The following SLC4A8 variants were observed in gnomAD, a reference collection of about 807,000 sequenced individuals.
SLC4A8 encodes solute carrier family 4 member 8.
SLC4A8 carries 40 observed loss-of-function variants against 125.0 expected under a neutral mutation model. That is an observed-to-expected ratio of 0.32 (90% CI 0.25 to 0.42). The LOEUF is 0.42. Among genes scored for constraint, SLC4A8 ranks in the 10% least tolerant of loss-of-function variants. The pLI is 1.00. For synonymous variants in SLC4A8, 456 were observed against 476.0 expected, an observed-to-expected ratio of 0.96 and a Z score of 0.55; for missense variants, 863 against 1,355.1, an observed-to-expected ratio of 0.64 and a Z score of 5.70.
At chr12:51,421,748 C>G (rs1219592044), upstream of SLC4A8, among the ~76,000 whole-genome samples, 1 of 152,176 alleles carries the variant, frequency 6.6e-6, no homozygotes. Flanking sequence ...CCATTCTCCC[C>G]TAAGGGCAGA....
chr12:51,397,073 G>T (rs1449102953), intron 1 of SLC4A8, among the ~76,000 whole-genome samples: 2 of 151,894 alleles, frequency 1.3e-5, no homozygotes, highest in African/African-American at 4.8e-5. Flanking sequence ...GGGATTACAG[G>T]TGTGTGCCAC....
chr12:51,436,051 CGCATT>C (rs1322661082), intron 1 of SLC4A8, among the ~76,000 whole-genome samples: 3 of 152,044 alleles, frequency 2.0e-5, no homozygotes, highest in African/African-American at 7.2e-5. Context: ...AAAATAAAAA[CGCATT>C]GTATATTATT....
intron 14 of SLC4A8, among the ~76,000 whole-genome samples, chr12:51,471,849 G>T (rs769730903): frequency 5.3e-5 from 8 of 152,224 alleles, no homozygotes; most frequent in South Asian, 2.1e-4. Flanking sequence ...TAGTTATGGG[G>T]AGGAACTTCT....
At chr12:51,460,158 G>A (rs1389067134) in intron 8 of SLC4A8, 50 bp downstream of exon 8, 1 of 1,401,758 alleles carries the variant, frequency 7.1e-7, no homozygotes, top group East Asian at 2.3e-5. Flanking sequence ...TCAAATTTAT[G>A]TAGTGCTGGT....
At chr12:51,465,153 C>G (rs2138266246) in intron 11 of SLC4A8, among the ~76,000 whole-genome samples, 1 of 152,230 alleles carries the variant, frequency 6.6e-6, no homozygotes, top group Non-Finnish European at 1.5e-5. Flanking sequence ...AGGATTGAGA[C>G]TGTCCTAGAG....
intron 16 of SLC4A8, among the ~76,000 whole-genome samples, chr12:51,482,830 T>A (rs1418398362): frequency 6.6e-6 from 1 of 152,178 alleles, no homozygotes; most frequent in African/African-American, 2.4e-5. Context: ...GAGCACTATG[T>A]GGCACAGAAC....
At chr12:51,461,163 A>G (rs777478513) in intron 8 of SLC4A8, 41 bp from the exon 9 acceptor site, 2 of 1,044,442 alleles carry the variant, frequency 1.9e-6, no homozygotes, top group South Asian at 1.3e-5. Context: ...GCACTTCTTT[A>G]TATTTACTTA....
intron 11 of SLC4A8, chr12:51,468,929 C>T (rs1206314306): frequency 6.5e-6 from 1 of 152,772 alleles, no homozygotes; most frequent in Non-Finnish European, 1.5e-5. Context: ...CATGTTGGCC[C>T]CTCTGCCTCA....
chr12:51,495,470 C>CTTTTTTTTTTTTTTTTTTTTTTT (rs3028942), intron 21 of SLC4A8, among the ~76,000 whole-genome samples: 2 of 76,276 alleles, frequency 2.6e-5, no homozygotes, highest in Non-Finnish European at 4.8e-5. Flanking sequence ...TTTCTTTCTT[C>CTTTTTTTTTTTTTTTTTTTTTTT]TTTTTTTTTT....
intron 1 of SLC4A8, among the ~76,000 whole-genome samples, chr12:51,431,483 T>C (rs1373460096): frequency 6.6e-6 from 1 of 152,088 alleles, no homozygotes. Flanking sequence ...GCCAGAGCCA[T>C]TTTGGAATTT....
At chr12:51,408,218 A>G (rs1004746612) in intron 1 of SLC4A8, among the ~76,000 whole-genome samples, 5 of 151,926 alleles carry the variant, frequency 3.3e-5, no homozygotes, top group Non-Finnish European at 5.9e-5. Context: ...ACACAATTCA[A>G]TCTATAATGG....
Position 51,472,076 on chromosome 12 carries a change from C to T in SLC4A8, c.1904+544C>T, listed in dbSNP as rs115277656. On this transcript the variant is annotated intron_variant, in intron 14 of 24. Transcript: ENST00000453097. The stretch of plus-strand genomic sequence containing the variant: ...AGCCTACTTACTTCCTAGATTTCAA[C>T]TTAAGAGATTATGATTTCTTTATGT... 8.3e-3 allele frequency among the ~76,000 whole-genome samples: 1,260 copies of T among 152,284 alleles called. 15 individuals are homozygous for T. Among genetic ancestry groups the T allele is most frequent in the African/African-American group, 0.028 (1,179 of 41,550 alleles).
intron 11 of SLC4A8, among the ~76,000 whole-genome samples, chr12:51,464,117 AC>A (rs35905015): frequency 0.56 from 84,321 of 151,488 alleles, 23,556 homozygotes; most frequent in African/African-American, 0.59. Context: ...TTGAGCTCTG[AC>A]CCTCCCTTCC....
At chr12:51,479,746 A>G (rs1361177955) in intron 16 of SLC4A8, among the ~76,000 whole-genome samples, 2 of 151,984 alleles carry the variant, frequency 1.3e-5, no homozygotes, top group African/African-American at 4.8e-5. Context: ...AGCAAAATAC[A>G]TATTTTATAA....
At chr12:51,407,759 AC>A (rs1266365994) in intron 1 of SLC4A8, 1 of 152,208 alleles carries the variant, frequency 6.6e-6, no homozygotes, top group Non-Finnish European at 1.5e-5. Flanking sequence ...CTGGTGTGGG[AC>A]GTGCACACAT....
chr12:51,471,700 A>T (rs933407158), intron 14 of SLC4A8, 168 bp downstream of exon 14: 10 of 696,922 alleles, frequency 1.4e-5, no homozygotes, highest in Non-Finnish European at 2.4e-5. Context: ...CCAGAGGAGA[A>T]CAATCAAAAG....
At chr12:51,485,364 A>G (rs1352083292) in intron 16 of SLC4A8, among the ~76,000 whole-genome samples, 1 of 152,154 alleles carries the variant, frequency 6.6e-6, no homozygotes, top group African/African-American at 2.4e-5. Flanking sequence ...GACTCGGGAT[A>G]TGTTCTGAAG....
chr12:51,499,759 A>G lies in SLC4A8; in HGVS notation c.3081+2635A>G, dbSNP rs550863664. Among the ~76,000 whole-genome samples the G allele has an allele frequency of 3.3e-5, 5 of 152,314 alleles. No homozygotes were observed. In the South Asian group the frequency reaches 8.3e-4, roughly 25 times the overall value. On this transcript the variant is annotated intron_variant, in intron 22 of 24. Transcript: ENST00000453097. Reference sequence around the variant, plus strand: ...ATGACTTCTGAGGAGACATCTGAGTAGAGACCTGAATCAAGTGAGAAGCAA... The same window carrying G: ...ATGACTTCTGAGGAGACATCTGAGTGGAGACCTGAATCAAGTGAGAAGCAA...
chr12:51,398,842 C>T (rs954378509), intron 1 of SLC4A8, among the ~76,000 whole-genome samples: 5 of 152,186 alleles, frequency 3.3e-5, no homozygotes, highest in Admixed American at 2.0e-4. Context: ...CTCTGCCTCC[C>T]GGGTTCAAGC....
Sources: gnomAD v4.1 joint callset for allele counts (sites outside exome capture counted in the v4.1 genomes callset) on GRCh38, gnomAD v4.1.1 for gene constraint, MANE v1.5 for transcripts, NCBI Gene and HGNC (gene_info 2026-07-23, HGNC 2026-07-21) for gene names.